The following OGDHL variants were observed in gnomAD, a reference collection of about 807,000 sequenced individuals.
OGDHL encodes 2-oxoglutarate dehydrogenase-like, mitochondrial.
A neutral mutation model predicts 109.6 loss-of-function variants in OGDHL; 79 were observed. The ratio of observed to expected loss-of-function variants is 0.72; its 90% CI spans 0.60 to 0.87. The LOEUF (loss-of-function observed/expected upper bound fraction) is 0.87. Ranked by LOEUF, OGDHL falls within the 40% of genes least tolerant of loss-of-function variation. The pLI is 0.00. For synonymous variants in OGDHL, 528 were observed against 537.2 expected (o/e 0.98, Z 0.24); for missense variants, 1,275 against 1,362.2 (o/e 0.94, Z 1.01).
intron 16 of OGDHL, 94 bp from the exon 17 acceptor site, chr10:49,739,933 C>T (rs569888664): frequency 1.3e-5 from 17 of 1,272,388 alleles, no homozygotes; most frequent in Middle Eastern, 2.6e-4. Context: ...TCCTCCATGC[C>T]CCCACCCATC....
chr10:49,742,401 C>CA (rs1564531848), intron 15 of OGDHL, among the ~76,000 whole-genome samples: 3 of 111,868 alleles, frequency 2.7e-5, no homozygotes, highest in African/African-American at 5.7e-5. Flanking sequence ...CCCACACACA[C>CA]CACACACACC....
intron 22 of OGDHL, 33 bp from the exon 23 acceptor site, chr10:49,735,384 G>A (rs763703820): frequency 2.4e-5 from 38 of 1,603,858 alleles, no homozygotes; most frequent in South Asian, 9.0e-5. Context: ...AGGGGAAGGC[G>A]GGGCCTAGCC....
chr10:49,742,152 A>G (rs1841754725), intron 15 of OGDHL, among the ~76,000 whole-genome samples: 1 of 142,052 alleles, frequency 7.0e-6, no homozygotes, highest in African/African-American at 2.7e-5. Context: ...ACATACACAC[A>G]CATCACACAC....
intron 1 of OGDHL, among the ~76,000 whole-genome samples, chr10:49,760,270 G>C (rs1253685317): frequency 6.6e-6 from 1 of 152,210 alleles, no homozygotes; most frequent in Non-Finnish European, 1.5e-5. Context: ...CTGAGGCTTC[G>C]GGTCATGTGG....
rs180714461 is a variant in OGDHL, at chr10:49,735,688, A to C, written c.2909+335T>G. 1.2e-3 allele frequency among the ~76,000 whole-genome samples: 185 copies of C among 152,316 alleles called. 1 individual carries two copies. The Middle Eastern group carries it at 0.017, about 14-fold the overall frequency. On this transcript the variant is annotated intron_variant, in intron 22 of 22. Coordinates refer to ENST00000374103, the MANE Select transcript of OGDHL (RefSeq NM_018245.3). ...CCCTCTCCCATCTTCCCAGGAACAC[A>C]TGATGCCAGTATTGGGAACGCACCA...
intron 2 of OGDHL, 140 bp from the exon 3 acceptor site, chr10:49,757,086 C>T (rs1842965129): frequency 1.4e-6 from 1 of 730,322 alleles, no homozygotes; most frequent in Non-Finnish European, 2.1e-6. Flanking sequence ...CCTAGATGTA[C>T]ATACAACGAT....
Position 49,735,071 on chromosome 10 carries a change from A to G in OGDHL, c.*157T>C, listed in dbSNP as rs767376615. ...CCTGGTAGATTCTGGCATGACACCAAGGCCAGCAGTGCTGGCTCTTGGCCC... is the reference window on the plus strand; with the variant it reads ...CCTGGTAGATTCTGGCATGACACCAGGGCCAGCAGTGCTGGCTCTTGGCCC... On this transcript the variant is annotated 3_prime_UTR_variant, in exon 23 of 23. Transcript: ENST00000374103. 4.2e-5 allele frequency: 36 copies of G among 863,966 alleles called. No individual in the cohort carries two copies. Among genetic ancestry groups the G allele is most frequent in the Non-Finnish European group, 5.8e-5 (33 of 569,828 alleles). The allele number at this position is 863,966 out of a possible 1,614,324, so 53.5% of individuals were successfully genotyped here.
intron 10 of OGDHL, among the ~76,000 whole-genome samples, chr10:49,746,521 C>G (rs1590724520): frequency 6.6e-6 from 1 of 152,244 alleles, no homozygotes; most frequent in South Asian, 2.1e-4. Context: ...CCATGAGGCA[C>G]TCGCTACACA....
At chr10:49,747,537 G>A (rs185175719) in intron 8 of OGDHL, among the ~76,000 whole-genome samples, 100 of 152,272 alleles carry the variant, frequency 6.6e-4, no homozygotes, top group African/African-American at 2.1e-3. Context: ...AGAGACCCTC[G>A]GCCAGGCCAC....
Position 49,740,703 on chromosome 10 carries a change from G to A in OGDHL, c.2140+7C>T. 6.2e-7 allele frequency: 1 copy of A among 1,612,356 alleles called. No individual in the cohort carries two copies. Among genetic ancestry groups the A allele is most frequent in the Non-Finnish European group, 8.5e-7 (1 of 1,178,930 alleles). On this transcript the variant is annotated splice_region_variant and intron_variant, in intron 16 of 22. Transcript: ENST00000374103. The stretch of plus-strand genomic sequence containing the variant: ...CCTGCCTGGCCTGCAGGAGAGCGTG[G>A]ACCCACCCAGGACTCCGTACTCCGA...
chr10:49,743,454 G>A (rs1841945842), intron 14 of OGDHL: 1 of 174,592 alleles, frequency 5.7e-6, no homozygotes, highest in Non-Finnish European at 1.2e-5. Context: ...CAGAGGGTGT[G>A]TAGGCACCCC....
intron 6 of OGDHL, 82 bp from the exon 7 acceptor site, chr10:49,751,067 T>C: frequency 7.7e-7 from 1 of 1,294,376 alleles, no homozygotes; most frequent in South Asian, 1.5e-5. Flanking sequence ...TGTTCATGAG[T>C]GCTCAGAGCT....
At chr10:49,743,893 T>C in intron 14 of OGDHL, 101 bp downstream of exon 14, 1 of 1,438,350 alleles carries the variant, frequency 7.0e-7, no homozygotes, top group Non-Finnish European at 9.5e-7. Flanking sequence ...TGAGCAGGAA[T>C]GCGACACACC....
At chr10:49,745,216 G>A in intron 12 of OGDHL, 128 bp downstream of exon 12, 1 of 1,237,466 alleles carries the variant, frequency 8.1e-7, no homozygotes, top group Non-Finnish European at 1.1e-6. Flanking sequence ...GCCTCTTGGG[G>A]ACAAGGACCA....
intron 22 of OGDHL, among the ~76,000 whole-genome samples, chr10:49,735,648 T>TG (rs1433951734): frequency 1.3e-5 from 2 of 152,226 alleles, no homozygotes; most frequent in African/African-American, 4.8e-5. Flanking sequence ...TTTGGCTTCT[T>TG]GGAGTTTCTC....
intron 15 of OGDHL, among the ~76,000 whole-genome samples, chr10:49,742,473 CT>C (rs1361777125): frequency 2.2e-4 from 12 of 54,954 alleles, no homozygotes; most frequent in African/African-American, 5.9e-4. Flanking sequence ...CACACACCCC[CT>C]ATACACTCCC....
Position 49,749,809 on chromosome 10 carries a change from G to T in OGDHL, c.904C>A (p.Leu302Met). The T allele has an allele frequency of 6.3e-7, 1 of 1,594,024 alleles. No homozygotes were observed. Reference sequence around the variant, plus strand: ...CGGATCACGTTGGCCAGCACGTTCAGCCTTCCCCTGGAGCCAGAGGGGCCG... The same window carrying T: ...CGGATCACGTTGGCCAGCACGTTCATCCTTCCCCTGGAGCCAGAGGGGCCG... ...VILGMPHRGR[L>M]NVLANVIRKD... Residue 302 changes from leucine (L) to methionine (M), a missense_variant, in exon 8 of 23, where the codon CTG (leucine) becomes ATG (methionine). Physicochemically the swap from Leu to Met is conservative, Grantham distance 15 (BLOSUM62 2). Coordinates refer to ENST00000374103, the MANE Select transcript of OGDHL (RefSeq NM_018245.3).
intron 7 of OGDHL, 144 bp from the exon 8 acceptor site, chr10:49,749,960 C>A: frequency 3.0e-6 from 2 of 666,810 alleles, no homozygotes; most frequent in Non-Finnish European, 5.2e-6. Flanking sequence ...CAGGCACCAT[C>A]CTCTCCTGCT....
At position 49,740,823 on chromosome 10, in the gene OGDHL, A is replaced by C; in HGVS notation, c.2027T>G (p.Val676Gly). Residue 676 changes from valine (V) to glycine (G), a missense_variant, in exon 16 of 23, where the codon GTT becomes GGT. Val to Gly is a moderately radical substitution (Grantham distance 109, BLOSUM62 -3). Coordinates refer to ENST00000374103, the MANE Select transcript of OGDHL (RefSeq NM_018245.3). ...GCGGTCAACCTCCTGGTCATGGAGA[A>C]CATGGTGCCGGTGACTGCAGAGACA... ...ERGTFSHRHH[V>G]LHDQEVDRRT... 6.2e-7 allele frequency: 1 copy of C among 1,613,900 alleles called. No homozygotes were observed. Among genetic ancestry groups the C allele is most frequent in the South Asian group, 1.1e-5 (1 of 91,086 alleles).
Sources: allele counts gnomAD v4.1 joint callset (sites outside exome capture counted in the v4.1 genomes callset), GRCh38; gene constraint gnomAD v4.1.1; transcripts MANE v1.5; gene names NCBI Gene and HGNC (gene_info 2026-07-23, HGNC 2026-07-21).